TMEM135: variants seen among roughly 807,000 people sequenced by gnomAD.
The protein encoded by TMEM135 is transmembrane protein 135.
TMEM135 carries 30 observed loss-of-function variants against 60.3 expected under a neutral mutation model. That is an observed-to-expected ratio of 0.50 (90% CI 0.37 to 0.68). The LOEUF (loss-of-function observed/expected upper bound fraction) is 0.68. Ranked by LOEUF, TMEM135 falls within the 30% of genes least tolerant of loss-of-function variation. The pLI is 0.00. For synonymous variants in TMEM135, 190 were observed against 186.7 expected, an observed-to-expected ratio of 1.02 and a Z score of -0.14; for missense variants, 468 against 548.8, an observed-to-expected ratio of 0.85 and a Z score of 1.47.
At chr11:87,256,910 A>T (rs112181181) in intron 6 of TMEM135, among the ~76,000 whole-genome samples, 1 of 150,794 alleles carries the variant, frequency 6.6e-6, no homozygotes, top group Non-Finnish European at 1.5e-5. Flanking sequence ...CTCTCCTTCC[A>T]CACATTTGTG....
intron 4 of TMEM135, among the ~76,000 whole-genome samples, chr11:87,139,353 TG>T (rs1591049353): frequency 6.6e-6 from 1 of 152,202 alleles, no homozygotes; most frequent in African/African-American, 2.4e-5. Flanking sequence ...TGATGAGTTT[TG>T]GCAAATGTTT....
intron 4 of TMEM135, among the ~76,000 whole-genome samples, chr11:87,105,252 A>G (rs941567683): frequency 6.6e-6 from 1 of 152,180 alleles, no homozygotes; most frequent in Non-Finnish European, 1.5e-5. Context: ...TCAGCCTGCA[A>G]AACAGGAGAT....
At chr11:87,161,018 G>C (rs1591065840) in intron 5 of TMEM135, among the ~76,000 whole-genome samples, 1 of 152,116 alleles carries the variant, frequency 6.6e-6, no homozygotes, top group African/African-American at 2.4e-5. Context: ...TCCTGCCTCA[G>C]CCTCCTGAGT....
At chr11:87,241,966 T>C (rs1338582029) in intron 6 of TMEM135, among the ~76,000 whole-genome samples, 1 of 152,068 alleles carries the variant, frequency 6.6e-6, no homozygotes, top group African/African-American at 2.4e-5. Context: ...TAACTTGTCG[T>C]ATAGCATTAG....
At chr11:87,212,235 G>T (rs1302565558) in intron 5 of TMEM135, among the ~76,000 whole-genome samples, 1 of 147,740 alleles carries the variant, frequency 6.8e-6, no homozygotes, top group Non-Finnish European at 1.5e-5. Flanking sequence ...ACCCCAAGTA[G>T]CTGTTACGCA....
intron 6 of TMEM135, among the ~76,000 whole-genome samples, chr11:87,242,808 T>C (rs918348690): frequency 6.8e-6 from 1 of 146,630 alleles, no homozygotes; most frequent in Non-Finnish European, 1.5e-5. Flanking sequence ...AGGATGCCTG[T>C]TCACTCTGAT....
intron 4 of TMEM135, among the ~76,000 whole-genome samples, chr11:87,119,887 A>ATTT (rs1565449070): frequency 1.3e-5 from 2 of 151,194 alleles, no homozygotes; most frequent in African/African-American, 2.4e-5. Context: ...TACTTTTTTA[A>ATTT]AAAAAAAAAA....
chr11:87,085,496 C>T (rs1192128136), intron 3 of TMEM135, among the ~76,000 whole-genome samples: 1 of 152,170 alleles, frequency 6.6e-6, no homozygotes, highest in Non-Finnish European at 1.5e-5. Context: ...GTGGCTCATG[C>T]CTGTTATTCC....
chr11:87,136,156 G>A (rs1421695421), intron 4 of TMEM135, among the ~76,000 whole-genome samples: 3 of 151,850 alleles, frequency 2.0e-5, no homozygotes, highest in Non-Finnish European at 2.9e-5. Flanking sequence ...AGATGAACAT[G>A]TCATCTAAGA....
At chr11:87,177,597 A>G (rs1019944322) in intron 5 of TMEM135, among the ~76,000 whole-genome samples, 3 of 152,146 alleles carry the variant, frequency 2.0e-5, no homozygotes, top group Admixed American at 6.6e-5. Context: ...GAATATTTCT[A>G]TCACTCTAAA....
chr11:87,241,079 C>G (rs966106210), intron 6 of TMEM135, among the ~76,000 whole-genome samples: 6 of 152,050 alleles, frequency 3.9e-5, no homozygotes, highest in Non-Finnish European at 8.8e-5. Flanking sequence ...AATCAATTCT[C>G]TGTGAAGGCA....
intron 4 of TMEM135, among the ~76,000 whole-genome samples, chr11:87,117,597 A>G (rs1289310800): frequency 6.6e-6 from 1 of 152,154 alleles, no homozygotes. Flanking sequence ...GATCTGTTCA[A>G]GATTTATCAT....
intron 6 of TMEM135, among the ~76,000 whole-genome samples, chr11:87,246,619 T>A (rs1023137013): frequency 5.3e-5 from 8 of 151,502 alleles, no homozygotes; most frequent in Non-Finnish European, 1.0e-4. Flanking sequence ...CCATCACTGA[T>A]ACCCTTTTTT....
At chr11:87,226,040 C>G (rs1940758846) in intron 5 of TMEM135, among the ~76,000 whole-genome samples, 1 of 152,086 alleles carries the variant, frequency 6.6e-6, no homozygotes, top group African/African-American at 2.4e-5. Flanking sequence ...CCTCACTCTT[C>G]CTGTCCACAG....
chr11:87,315,697 C>T (rs1423971004), intron 12 of TMEM135, among the ~76,000 whole-genome samples: 2 of 151,814 alleles, frequency 1.3e-5, no homozygotes, highest in Non-Finnish European at 2.9e-5. Context: ...CTCTGAAATA[C>T]GTTGTTCTGG....
At chr11:87,041,774 A>G (rs1171580204) in intron 1 of TMEM135, among the ~76,000 whole-genome samples, 1 of 152,246 alleles carries the variant, frequency 6.6e-6, no homozygotes, top group Non-Finnish European at 1.5e-5. Flanking sequence ...GCATATGAAT[A>G]GTGCGGGAGT....
At chr11:87,259,354 A>G (rs7101621) in intron 6 of TMEM135, 106,696 of 305,644 alleles carry the variant, frequency 0.35, 19,897 homozygotes, top group Non-Finnish European at 0.41. Context: ...GAAATGAATG[A>G]CAACACCCAG....
At chr11:87,205,471 GATGGATA>G (rs1247619879) in intron 5 of TMEM135, among the ~76,000 whole-genome samples, 2 of 152,134 alleles carry the variant, frequency 1.3e-5, no homozygotes, top group African/African-American at 4.8e-5. Flanking sequence ...TCCAGATATT[GATGGATA>G]ATGTATATAT....
intron 4 of TMEM135, among the ~76,000 whole-genome samples, chr11:87,101,772 C>T (rs1417874393): frequency 1.3e-5 from 2 of 152,054 alleles, no homozygotes; most frequent in African/African-American, 4.8e-5. Context: ...GTTGGGAGTT[C>T]GAGACCAGCC....
Sources: gnomAD v4.1 joint callset for allele counts (sites outside exome capture counted in the v4.1 genomes callset) on GRCh38, gnomAD v4.1.1 for gene constraint, MANE v1.5 for transcripts, NCBI Gene and HGNC (gene_info 2026-07-23, HGNC 2026-07-21) for gene names.